Variants in DPP10 observed in about 807,000 individuals in gnomAD.
DPP10 encodes dipeptidyl peptidase like 10.
Under a neutral mutation model 120.9 loss-of-function variants are expected in DPP10, and 33 were observed. The observed-to-expected ratio is 0.27, with a 90% CI of 0.21 to 0.37. DPP10 has a LOEUF of 0.37. Ranked by LOEUF, DPP10 falls within the 10% of genes least tolerant of loss-of-function variation. DPP10 has a pLI of 1.00. For missense variants in DPP10, 816 were observed against 942.8 expected, an observed-to-expected ratio of 0.87 and a Z score of 1.76; for synonymous variants, 337 against 326.1, an observed-to-expected ratio of 1.03 and a Z score of -0.36.
intron 5 of DPP10, among the ~76,000 whole-genome samples, chr2:115,616,091 G>A (rs950900133): frequency 2.6e-5 from 4 of 152,092 alleles, no homozygotes; most frequent in African/African-American, 9.7e-5. Flanking sequence ...GTTAACTTTA[G>A]TGTCCCAAAC....
intron 1 of DPP10, among the ~76,000 whole-genome samples, chr2:115,152,770 C>T (rs2051643766): frequency 6.6e-6 from 1 of 152,094 alleles, no homozygotes; most frequent in South Asian, 2.1e-4. Context: ...TAGACTGCAC[C>T]AGCCACCTAA....
At chr2:115,514,938 ATAT>A (rs772811207) in intron 4 of DPP10, among the ~76,000 whole-genome samples, 7 of 151,880 alleles carry the variant, frequency 4.6e-5, no homozygotes, top group Non-Finnish European at 8.9e-5. Flanking sequence ...AAACAATATA[ATAT>A]TCTATAATAT....
At chr2:114,622,751 T>C (rs1306289890) in intron 1 of DPP10, among the ~76,000 whole-genome samples, 1 of 152,138 alleles carries the variant, frequency 6.6e-6, no homozygotes, top group Non-Finnish European at 1.5e-5. Context: ...TGGTTTTTAG[T>C]TGCCACCTTG....
intron 5 of DPP10, among the ~76,000 whole-genome samples, chr2:115,608,587 G>C (rs1359451823): frequency 6.6e-6 from 1 of 152,086 alleles, no homozygotes; most frequent in Non-Finnish European, 1.5e-5. Context: ...TGTTGTTCTG[G>C]TCACTCTACA....
At chr2:114,932,134 A>C (rs1319105944) in intron 1 of DPP10, among the ~76,000 whole-genome samples, 1 of 152,206 alleles carries the variant, frequency 6.6e-6, no homozygotes, top group Non-Finnish European at 1.5e-5. Flanking sequence ...AAACATCGGA[A>C]ATGCAATTTT....
At chr2:114,912,666 C>T (rs1322456546) in intron 1 of DPP10, among the ~76,000 whole-genome samples, 4 of 152,060 alleles carry the variant, frequency 2.6e-5, no homozygotes, top group Non-Finnish European at 4.4e-5. Context: ...AAGCTGAAAA[C>T]CCTGCAAGGG....
At chr2:114,758,239 T>C (rs977938902) in intron 1 of DPP10, among the ~76,000 whole-genome samples, 1 of 152,222 alleles carries the variant, frequency 6.6e-6, no homozygotes, top group African/African-American at 2.4e-5. Flanking sequence ...CCAACTCTGT[T>C]CACTTTCTAC....
chr2:115,656,494 A>G (rs532690331), intron 5 of DPP10, among the ~76,000 whole-genome samples: 1 of 151,594 alleles, frequency 6.6e-6, no homozygotes, highest in Non-Finnish European at 1.5e-5. Context: ...TTAACTTTAT[A>G]TAAAAAAGGA....
intron 21 of DPP10, among the ~76,000 whole-genome samples, chr2:115,827,412 GTGTATATATATATATATA>G (rs1197947796): frequency 6.1e-5 from 5 of 81,936 alleles, no homozygotes; most frequent in South Asian, 8.7e-4. Flanking sequence ...GTATGTGTGT[GTGTATATATATATATATA>G]TATATATATA....
Position 115,783,380 on chromosome 2 carries a change from T to A in DPP10, c.1531+981T>A, listed in dbSNP as rs1360568014. Among the ~76,000 whole-genome samples, 7 of 152,178 alleles carry A rather than the reference T, an allele frequency of 4.6e-5. No homozygotes were observed. In the East Asian group the frequency reaches 1.3e-3, roughly 29 times the overall value. Reference sequence around the variant, plus strand: ...AATATAATAACTACTTTTTCTATTGTGCTTTTGCCTCATGCATTGCATACT... The same window carrying A: ...AATATAATAACTACTTTTTCTATTGAGCTTTTGCCTCATGCATTGCATACT... On this transcript the variant is annotated intron_variant, in intron 17 of 25. Transcript: ENST00000410059.
At chr2:115,577,666 G>A (rs577367247) in intron 5 of DPP10, among the ~76,000 whole-genome samples, 2 of 152,188 alleles carry the variant, frequency 1.3e-5, no homozygotes, top group Admixed American at 6.5e-5. Flanking sequence ...GTGCCCACAG[G>A]GTTGGTGTCT....
intron 1 of DPP10, among the ~76,000 whole-genome samples, chr2:114,768,518 T>G (rs1680946868): frequency 1.3e-5 from 2 of 152,224 alleles, no homozygotes; most frequent in African/African-American, 4.8e-5. Flanking sequence ...TCAAATCATC[T>G]GGATTTGAAG....
At chr2:115,151,830 C>T (rs1057174807) in intron 1 of DPP10, among the ~76,000 whole-genome samples, 1 of 148,966 alleles carries the variant, frequency 6.7e-6, no homozygotes, top group African/African-American at 2.5e-5. Context: ...AAACCTCTTT[C>T]TTTATTTTTT....
chr2:115,362,895 T>C (rs891780127), intron 3 of DPP10, among the ~76,000 whole-genome samples: 8 of 152,206 alleles, frequency 5.3e-5, no homozygotes, highest in Admixed American at 2.0e-4. Flanking sequence ...TGATTGGCCA[T>C]ATGGAGTTGT....
intron 1 of DPP10, among the ~76,000 whole-genome samples, chr2:114,699,709 A>C (rs1487346402): frequency 6.6e-6 from 1 of 152,086 alleles, no homozygotes; most frequent in African/African-American, 2.4e-5. Flanking sequence ...TGGGACTTGA[A>C]GGTTTCCCAA....
At chr2:115,178,188 G>A (rs188642277) in intron 1 of DPP10, among the ~76,000 whole-genome samples, 2 of 152,010 alleles carry the variant, frequency 1.3e-5, no homozygotes, top group Admixed American at 1.3e-4. Context: ...TGTGTTTACT[G>A]TGCCCTTGCC....
intron 1 of DPP10, among the ~76,000 whole-genome samples, chr2:114,837,570 C>T (rs890764842): frequency 6.6e-6 from 1 of 151,556 alleles, no homozygotes; most frequent in African/African-American, 2.4e-5. Context: ...CAATGGAAAC[C>T]CTGTTCTCTG....
chr2:115,704,657 G>A (rs78917751), intron 7 of DPP10, among the ~76,000 whole-genome samples: 2,985 of 152,110 alleles, frequency 0.02, 86 homozygotes, highest in African/African-American at 0.067. Context: ...AAAAAGTCAT[G>A]TATGAGAAGA....
intron 3 of DPP10, among the ~76,000 whole-genome samples, chr2:115,418,258 G>A (rs1013802641): frequency 5.9e-5 from 9 of 152,104 alleles, no homozygotes; most frequent in Admixed American, 3.9e-4. Context: ...ACTAAGATGT[G>A]GAAGGCCTGG....
Sources: gnomAD v4.1 joint callset for allele counts (sites outside exome capture counted in the v4.1 genomes callset) on GRCh38, gnomAD v4.1.1 for gene constraint, MANE v1.5 for transcripts, NCBI Gene and HGNC (gene_info 2026-07-23, HGNC 2026-07-21) for gene names.